Variants in ARAP1 observed in about 807,000 individuals in gnomAD.
The protein encoded by ARAP1 is ArfGAP with RhoGAP domain, ankyrin repeat and PH domain 1.
Under a neutral mutation model 172.2 loss-of-function variants are expected in ARAP1, and 76 were observed. The ratio of observed to expected loss-of-function variants is 0.44; its 90% CI spans 0.37 to 0.53. The LOEUF is 0.53. Among genes scored for constraint, ARAP1 ranks in the 20% least tolerant of loss-of-function variants. The pLI, the probability that ARAP1 is intolerant of heterozygous loss-of-function variation, is 0.00. For missense variants in ARAP1, 1,686 were observed against 1,977.5 expected (o/e 0.85, Z 2.80); for synonymous variants, 804 against 803.3 (o/e 1.00, Z -0.01).
chr11:72,748,736 C>G (rs1009604424), intron 1 of ARAP1, among the ~76,000 whole-genome samples: 1 of 152,222 alleles, frequency 6.6e-6, no homozygotes, highest in African/African-American at 2.4e-5. Flanking sequence ...TCTTTCACAT[C>G]TGGGGTCATC....
chr11:72,710,096 G>T lies in ARAP1; in HGVS notation c.1417-120C>A. 1 of 899,868 alleles carries T rather than the reference G, an allele frequency of 1.1e-6. No individual in the cohort carries two copies. The highest frequency in any genetic ancestry group is 1.4e-5 in the South Asian group (1 of 72,034). The allele number at this position is 899,868 out of a possible 1,614,324, so 55.7% of individuals were successfully genotyped here. A position where few individuals can be genotyped will look rare whatever the true frequency, so the allele number is the denominator to read the frequency against. On this transcript the variant is annotated intron_variant, in intron 10 of 34. Coordinates refer to ENST00000393609, the MANE Select transcript of ARAP1 (RefSeq NM_001040118.3). This position sits in a 1 kb window ranked among gnomAD's most constrained non-coding sequence, Gnocchi z 4.3. ...GACTGGGGGGGGTGCCCAGGAGGGA[G>T]ACAGCAGGGGACATGGGAGGCTGGG...
intron 33 of ARAP1, 175 bp downstream of exon 33, chr11:72,687,264 A>C (rs947191987): frequency 2.3e-5 from 18 of 796,896 alleles, no homozygotes; most frequent in Non-Finnish European, 3.3e-5. Context: ...TTGGGGCTGG[A>C]CTAACAGTAG....
intron 1 of ARAP1, among the ~76,000 whole-genome samples, chr11:72,751,061 C>T (rs1186251636): frequency 6.6e-6 from 1 of 152,154 alleles, no homozygotes; most frequent in Non-Finnish European, 1.5e-5. Context: ...GAATGCAAAA[C>T]AAAACCTGGG....
rs759482592 is a variant in ARAP1, at chr11:72,685,815, C to T, written c.4336-134G>A. The T allele has an allele frequency of 7.6e-5, 105 of 1,388,044 alleles. No individual in the cohort carries two copies. The African/African-American group carries it at 8.9e-4, about 12-fold the overall frequency. The allele number at this position is 1,388,044 out of a possible 1,614,324, so 86.0% of individuals were successfully genotyped here. A position where few individuals can be genotyped will look rare whatever the true frequency, so the allele number is the denominator to read the frequency against. ...GCACTCCAATCAGCCAGGCTCCCAGCTCCCAGGGCCAGGCAGAGGGGACTC... is the reference window on the plus strand; with the variant it reads ...GCACTCCAATCAGCCAGGCTCCCAGTTCCCAGGGCCAGGCAGAGGGGACTC... On this transcript the variant is annotated intron_variant, in intron 34 of 34. Transcript: ENST00000393609.
chr11:72,712,848 A>G, intron 5 of ARAP1: 1 of 601,868 alleles, frequency 1.7e-6, no homozygotes, highest in South Asian at 2.0e-5. Context: ...TGCAAGACAG[A>G]CAGACACGGG....
At chr11:72,711,566 G>T in intron 7 of ARAP1, 67 bp from the exon 8 acceptor site, 1 of 1,328,482 alleles carries the variant, frequency 7.5e-7, no homozygotes, top group Non-Finnish European at 1.1e-6. Context: ...GACCACCCCA[G>T]CCCTCAGAAG....
intron 30 of ARAP1, 188 bp from the exon 31 acceptor site, chr11:72,688,725 C>T: frequency 1.7e-6 from 1 of 571,868 alleles, no homozygotes; most frequent in Non-Finnish European, 3.1e-6. Context: ...AACCTCCCAG[C>T]CCTAGGCCCC....
intron 3 of ARAP1, among the ~76,000 whole-genome samples, chr11:72,719,933 C>T (rs887049673): frequency 6.6e-6 from 1 of 152,222 alleles, no homozygotes; most frequent in Non-Finnish European, 1.5e-5. Context: ...CATCCATCCT[C>T]CCCACTATCG....
At chr11:72,744,475 G>A (rs768515045) in intron 1 of ARAP1, among the ~76,000 whole-genome samples, 5 of 152,012 alleles carry the variant, frequency 3.3e-5, no homozygotes, top group Admixed American at 6.5e-5. Context: ...CTGCCTTCTC[G>A]ACCAGTACCA....
intron 1 of ARAP1, among the ~76,000 whole-genome samples, chr11:72,742,969 G>A (rs1362752553): frequency 1.3e-5 from 2 of 152,148 alleles, no homozygotes; most frequent in South Asian, 2.1e-4. Context: ...GAATGTTCTT[G>A]CCCAGGCATC....
chr11:72,735,335 G>A (rs762247842), intron 1 of ARAP1, among the ~76,000 whole-genome samples: 3 of 151,974 alleles, frequency 2.0e-5, no homozygotes, highest in African/African-American at 4.8e-5. Context: ...TGAGGGCCGG[G>A]CGCAGTGGCT....
chr11:72,697,277 G>A (rs754013007), intron 21 of ARAP1, 46 bp downstream of exon 21: 3 of 1,583,454 alleles, frequency 1.9e-6, no homozygotes, highest in Admixed American at 1.8e-5. Context: ...GGCGGGAGGC[G>A]GCTCTCCGGG....
At chr11:72,746,963 C>T (rs527885331) in intron 1 of ARAP1, among the ~76,000 whole-genome samples, 16 of 152,252 alleles carry the variant, frequency 1.1e-4, no homozygotes, top group Non-Finnish European at 1.8e-4. Flanking sequence ...GGGCAGTGCT[C>T]GCTGGGCCAG....
chr11:72,722,135 G>C (rs1262835641), intron 3 of ARAP1: 18 of 985,446 alleles, frequency 1.8e-5, no homozygotes, highest in Non-Finnish European at 2.2e-5. Context: ...CTGTGGATCT[G>C]TCCAGGAGGA....
At chr11:72,740,181 G>A (rs1005544679) in intron 1 of ARAP1, among the ~76,000 whole-genome samples, 1 of 152,184 alleles carries the variant, frequency 6.6e-6, no homozygotes, top group Admixed American at 6.5e-5. Flanking sequence ...CACCTGCCAG[G>A]CACCTTTGAG....
intron 30 of ARAP1, among the ~76,000 whole-genome samples, chr11:72,691,935 G>A (rs180747914): frequency 2.0e-5 from 3 of 152,248 alleles, no homozygotes; most frequent in African/African-American, 2.4e-5. Context: ...TAGATCCCTC[G>A]CTTGCACAGT....
intron 14 of ARAP1, 99 bp downstream of exon 14, chr11:72,704,053 C>T (rs1482331431): frequency 6.8e-7 from 1 of 1,479,534 alleles, no homozygotes; most frequent in East Asian, 2.3e-5. Context: ...AAGACATCTC[C>T]CTGAGCTGGT....
chr11:72,696,778 C>T, intron 22 of ARAP1, 124 bp from the exon 23 acceptor site: 1 of 958,082 alleles, frequency 1.0e-6, no homozygotes, highest in East Asian at 2.6e-5. Flanking sequence ...TCAATGCAGG[C>T]CAGGCATTCA....
At chr11:72,736,673 C>T (rs1055295166) in intron 1 of ARAP1, among the ~76,000 whole-genome samples, 2 of 152,086 alleles carry the variant, frequency 1.3e-5, no homozygotes, top group South Asian at 4.1e-4. Context: ...CCCATCCTGC[C>T]TCTCCTTCTC....
Sources: gnomAD v4.1 joint callset for allele counts (sites outside exome capture counted in the v4.1 genomes callset) on GRCh38, gnomAD v4.1.1 for gene constraint, Gnocchi (gnomAD v3.1) non-coding constraint, MANE v1.5 for transcripts, NCBI Gene and HGNC (gene_info 2026-07-23, HGNC 2026-07-21) for gene names.